Variants in TSPEAR observed in about 807,000 individuals in gnomAD.
TSPEAR encodes the protein thrombospondin type laminin G domain and EAR repeats.
Under a neutral mutation model 71.6 loss-of-function variants are expected in TSPEAR, and 69 were observed. The ratio of observed to expected loss-of-function variants is 0.96; its 90% CI spans 0.79 to 1.18. The LOEUF is 1.18. TSPEAR is among the 50% of genes most tolerant of loss of function. The pLI is 0.00. For synonymous variants in TSPEAR, 402 were observed against 387.2 expected, an observed-to-expected ratio of 1.04 and a Z score of -0.45; for missense variants, 971 against 894.9, an observed-to-expected ratio of 1.09 and a Z score of -1.09.
intron 1 of TSPEAR, among the ~76,000 whole-genome samples, chr21:44,660,921 C>G (rs782275894): frequency 6.6e-6 from 1 of 151,814 alleles, no homozygotes; most frequent in Admixed American, 6.6e-5. Context: ...GAGCCAAGAT[C>G]GCACCACTGC....
At chr21:44,508,338 G>T in intron 10 of TSPEAR, 1 of 300,560 alleles carries the variant, frequency 3.3e-6, no homozygotes, top group Non-Finnish European at 5.1e-6. Flanking sequence ...CTCAAGCTGA[G>T]ATTAGAGCCC....
intron 1 of TSPEAR, chr21:44,637,809 G>A: frequency 7.3e-7 from 1 of 1,368,608 alleles, no homozygotes; most frequent in South Asian, 1.3e-5. Flanking sequence ...CAGCAGTCTA[G>A]CTGCCAGCCA....
At position 44,710,513 on chromosome 21, in the gene TSPEAR, C is replaced by T. The variant is rs910315371; in HGVS notation, c.82+920G>A. On this transcript the variant is annotated intron_variant, in intron 1 of 11. Coordinates refer to ENST00000323084, the MANE Select transcript of TSPEAR (RefSeq NM_144991.3). The surrounding 1 kb of genome is among the most constrained non-coding windows in gnomAD (Gnocchi z 4.6). ...ATGTCATCGGGATCTGAGTGCCATC[C>T]GAGCAGAGAGCTGTGGCCCGGTGCC... 6.6e-6 allele frequency among the ~76,000 whole-genome samples: 1 copy of T among 152,046 alleles called. No individual in the cohort carries two copies. Among genetic ancestry groups the T allele is most frequent in the Non-Finnish European group, 1.5e-5 (1 of 67,994 alleles).
At chr21:44,697,238 C>T (rs782738220) in intron 1 of TSPEAR, 18 of 1,613,904 alleles carry the variant, frequency 1.1e-5, no homozygotes, top group Middle Eastern at 1.6e-4. Flanking sequence ...CTATGGCAGC[C>T]GCGTCTGCCT....
chr21:44,577,851 T>G (rs187796090), intron 1 of TSPEAR, among the ~76,000 whole-genome samples: 1 of 152,312 alleles, frequency 6.6e-6, no homozygotes. Context: ...GATGTTATGG[T>G]TTGGCTGTGT....
chr21:44,570,382 C>A (rs1228314303), intron 1 of TSPEAR, among the ~76,000 whole-genome samples: 5 of 152,356 alleles, frequency 3.3e-5, no homozygotes, highest in African/African-American at 1.2e-4. Flanking sequence ...CCTGACACAG[C>A]CTCGGCAGTG....
intron 1 of TSPEAR, among the ~76,000 whole-genome samples, chr21:44,708,875 G>C (rs1555953025): frequency 6.6e-6 from 1 of 152,242 alleles, no homozygotes; most frequent in East Asian, 1.9e-4. Context: ...CCACATCCCG[G>C]GTGGGGGCAC....
At chr21:44,586,677 A>G (rs1979360182) in intron 1 of TSPEAR, among the ~76,000 whole-genome samples, 1 of 15,556 alleles carries the variant, frequency 6.4e-5, no homozygotes, top group African/African-American at 1.4e-4. Context: ...TTCTCTGTAG[A>G]TTTGCCCATT....
intron 1 of TSPEAR, among the ~76,000 whole-genome samples, chr21:44,583,489 G>C (rs1979139688): frequency 6.6e-6 from 1 of 152,150 alleles, no homozygotes; most frequent in Non-Finnish European, 1.5e-5. Flanking sequence ...GCAAAGCCTT[G>C]GTCTCGTGCA....
chr21:44,611,353 A>T (rs1372650067), intron 1 of TSPEAR, among the ~76,000 whole-genome samples: 14 of 151,998 alleles, frequency 9.2e-5, no homozygotes, highest in Admixed American at 3.3e-4. Flanking sequence ...AATAAGTCTC[A>T]CAAGATCTGA....
At chr21:44,693,896 C>T (rs1987219054) in intron 1 of TSPEAR, among the ~76,000 whole-genome samples, 1 of 152,166 alleles carries the variant, frequency 6.6e-6, no homozygotes, top group African/African-American at 2.4e-5. Flanking sequence ...TTCTTTGCAG[C>T]ATTATTCATA....
At chr21:44,564,208 T>G (rs752624080) in intron 2 of TSPEAR, among the ~76,000 whole-genome samples, 3 of 152,160 alleles carry the variant, frequency 2.0e-5, no homozygotes, top group Non-Finnish European at 4.4e-5. Context: ...CACCAGTATT[T>G]GAGATTACAA....
intron 11 of TSPEAR, among the ~76,000 whole-genome samples, chr21:44,503,810 G>A (rs1358915913): frequency 1.8e-3 from 210 of 118,932 alleles, no homozygotes; most frequent in Middle Eastern, 6.8e-3. Context: ...GTGAGCCCTC[G>A]GGGGGAAGCA....
At chr21:44,600,488 T>G (rs1341276404) in intron 1 of TSPEAR, 1 of 1,081,130 alleles carries the variant, frequency 9.2e-7, no homozygotes, top group Non-Finnish European at 1.3e-6. Flanking sequence ...GCAGGAGTTG[T>G]TGACACTCCA....
At chr21:44,697,626 G>A (rs1286334011) in intron 1 of TSPEAR, 1 of 1,613,876 alleles carries the variant, frequency 6.2e-7, no homozygotes, top group Non-Finnish European at 8.5e-7. Flanking sequence ...CCAGCTTGCT[G>A]CATCTCCTCC....
At chr21:44,533,392 CGGCTCCTGCCCCGTGGAT>C (rs1220576491) in intron 3 of TSPEAR, among the ~76,000 whole-genome samples, 3 of 152,126 alleles carry the variant, frequency 2.0e-5, no homozygotes, top group Non-Finnish European at 2.9e-5. Context: ...GCCCCCTGGT[CGGCTCCTGCCCCGTGGAT>C]GGCTCCTGCC....
rs1196133800 is a variant in TSPEAR, at chr21:44,593,603, C to T, written c.83-25598G>A. 6.6e-6 allele frequency among the ~76,000 whole-genome samples: 1 copy of T among 152,154 alleles called. No homozygotes were observed. The highest frequency in any genetic ancestry group is 1.5e-5 in the Non-Finnish European group (1 of 68,032). On this transcript the variant is annotated intron_variant, in intron 1 of 11. Transcript: ENST00000323084. This position sits in a 1 kb window ranked among gnomAD's most constrained non-coding sequence, Gnocchi z 5.9. ...GGTCAGACACGCCTCGTTACACCCC[C>T]TCCCTTTAGGGTTTCGACACAACCA...
At chr21:44,566,054 C>T (rs2053698527) in intron 2 of TSPEAR, among the ~76,000 whole-genome samples, 1 of 152,158 alleles carries the variant, frequency 6.6e-6, no homozygotes, top group African/African-American at 2.4e-5. Flanking sequence ...GTAGTGTACA[C>T]CTGTAATTCC....
chr21:44,591,614 C>CAGG (rs1555926574), intron 1 of TSPEAR: 1 of 1,613,210 alleles, frequency 6.2e-7, no homozygotes, highest in African/African-American at 1.3e-5. Flanking sequence ...GTGCAGCAAG[C>CAGG]CGGCTGGCAG....
Sources: allele counts gnomAD v4.1 joint callset (sites outside exome capture counted in the v4.1 genomes callset), GRCh38; gene constraint gnomAD v4.1.1; non-coding constraint Gnocchi (gnomAD v3.1); transcripts MANE v1.5; gene names NCBI Gene and HGNC (gene_info 2026-07-23, HGNC 2026-07-21).